Variants in SEMA3E observed in about 807,000 individuals in gnomAD.
SEMA3E encodes semaphorin-3E.
A neutral mutation model predicts 93.6 loss-of-function variants in SEMA3E; 49 were observed. That is an observed-to-expected ratio of 0.52 (90% confidence interval 0.42 to 0.66). The LOEUF (loss-of-function observed/expected upper bound fraction) is 0.66, where lower values mean the gene tolerates loss of function less well. SEMA3E is among the 30% of genes least tolerant of loss of function. SEMA3E has a pLI of 0.00. For missense variants in SEMA3E, 906 were observed against 964.8 expected, an observed-to-expected ratio of 0.94 and a Z score of 0.81; for synonymous variants, 363 against 330.7, an observed-to-expected ratio of 1.10 and a Z score of -1.06.
At chr7:83,373,019 T>C (rs942445205) in intron 16 of SEMA3E, 2 of 152,150 alleles carry the variant, frequency 1.3e-5, no homozygotes, top group African/African-American at 2.4e-5. Flanking sequence ...GTCAAGAAGA[T>C]AGTGCATAAT....
intron 3 of SEMA3E, 28 bp from the exon 4 acceptor site, chr7:83,466,629 C>T (rs776578561): frequency 6.2e-7 from 1 of 1,610,642 alleles, no homozygotes. Context: ...GGGAAGGAAT[C>T]TATCAGTATA....
intron 4 of SEMA3E, among the ~76,000 whole-genome samples, chr7:83,432,169 A>T (rs1225574011): frequency 6.6e-6 from 1 of 152,260 alleles, no homozygotes; most frequent in Non-Finnish European, 1.5e-5. Flanking sequence ...AGCCCTAAAA[A>T]TTGTGGATGA....
chr7:83,584,613 C>T (rs1792583036), intron 1 of SEMA3E, among the ~76,000 whole-genome samples: 1 of 152,112 alleles, frequency 6.6e-6, no homozygotes, highest in Non-Finnish European at 1.5e-5. Context: ...GCATATAACA[C>T]AAAGCAAGCT....
chr7:83,452,336 A>G (rs1789382294), intron 4 of SEMA3E, among the ~76,000 whole-genome samples: 2 of 152,136 alleles, frequency 1.3e-5, no homozygotes, highest in African/African-American at 4.8e-5. Context: ...GGGAAAAAAA[A>G]GCCCTCATAG....
At chr7:83,597,222 C>T (rs1792895113) in intron 1 of SEMA3E, among the ~76,000 whole-genome samples, 1 of 152,096 alleles carries the variant, frequency 6.6e-6, no homozygotes, top group African/African-American at 2.4e-5. Flanking sequence ...CACAGTGTGC[C>T]AGACTAGACA....
At chr7:83,594,078 G>T (rs1792816466) in intron 1 of SEMA3E, among the ~76,000 whole-genome samples, 1 of 152,098 alleles carries the variant, frequency 6.6e-6, no homozygotes, top group African/African-American at 2.4e-5. Flanking sequence ...TAGTATTGAG[G>T]CTGTTCCATA....
At chr7:83,631,148 A>T (rs888491218) in intron 1 of SEMA3E, among the ~76,000 whole-genome samples, 2 of 149,176 alleles carry the variant, frequency 1.3e-5, no homozygotes, top group Non-Finnish European at 2.9e-5. Context: ...TAAGACATTT[A>T]AAAAGCTTCT....
chr7:83,391,445 A>T (rs561086403), intron 14 of SEMA3E, among the ~76,000 whole-genome samples: 2 of 152,270 alleles, frequency 1.3e-5, no homozygotes, highest in African/African-American at 4.8e-5. Context: ...AATATTTTCA[A>T]ATAATTATGT....
intron 1 of SEMA3E, among the ~76,000 whole-genome samples, chr7:83,631,992 C>T (rs891347865): frequency 2.0e-5 from 3 of 151,876 alleles, no homozygotes; most frequent in Non-Finnish European, 4.4e-5. Context: ...CCCATCTCTA[C>T]TAAAAATACA....
rs549762133 is a variant in SEMA3E, at chr7:83,441,590, AG to A, written c.457-23108del. Among the ~76,000 whole-genome samples, 62 of 152,318 alleles carry A rather than the reference AG, an allele frequency of 4.1e-4. No homozygotes were observed. In the South Asian group the frequency reaches 0.013, roughly 32 times the overall value. ...GTCATACAACATTTACTATTTGCCAAGTAGTATTCTAGGTGCTTTATTTACA... is the reference window on the plus strand; with the variant it reads ...GTCATACAACATTTACTATTTGCCAATAGTATTCTAGGTGCTTTATTTACA... On this transcript the variant is annotated intron_variant, in intron 4 of 16. Coordinates refer to ENST00000643230, the MANE Select transcript of SEMA3E (RefSeq NM_012431.3).
At chr7:83,546,085 T>C (rs989541779) in intron 1 of SEMA3E, among the ~76,000 whole-genome samples, 4 of 148,538 alleles carry the variant, frequency 2.7e-5, no homozygotes, top group Non-Finnish European at 4.4e-5. Context: ...ACAAGTATTA[T>C]AATGTATCAG....
At chr7:83,455,578 G>A (rs191016055) in intron 4 of SEMA3E, among the ~76,000 whole-genome samples, 3 of 152,306 alleles carry the variant, frequency 2.0e-5, no homozygotes, top group Non-Finnish European at 2.9e-5. Context: ...TGTACGACAC[G>A]ATCCCCTTCC....
At chr7:83,539,191 AC>A (rs537152399) in intron 1 of SEMA3E, among the ~76,000 whole-genome samples, 64 of 152,274 alleles carry the variant, frequency 4.2e-4, no homozygotes, top group African/African-American at 1.3e-3. Context: ...AAAGCCTAGT[AC>A]CAGGCTCTGG....
intron 1 of SEMA3E, among the ~76,000 whole-genome samples, chr7:83,625,373 A>C (rs1253218945): frequency 6.6e-6 from 1 of 152,036 alleles, no homozygotes; most frequent in Non-Finnish European, 1.5e-5. Context: ...ATGTTTTTCC[A>C]TTTGTTTGTG....
chr7:83,368,199 C>T (rs978344843), intron 16 of SEMA3E, among the ~76,000 whole-genome samples, 161 bp from the exon 17 acceptor site: 17 of 51,068 alleles, frequency 3.3e-4, no homozygotes, highest in South Asian at 3.1e-3. Context: ...TTACATCTCT[C>T]TCTCTCTCTC....
At chr7:83,481,640 G>C (rs1790147622) in intron 2 of SEMA3E, among the ~76,000 whole-genome samples, 1 of 152,152 alleles carries the variant, frequency 6.6e-6, no homozygotes, top group South Asian at 2.1e-4. Context: ...TATAGTGAGG[G>C]TTTAGGGTCT....
chr7:83,413,320 T>G (rs1788481407), intron 5 of SEMA3E, among the ~76,000 whole-genome samples: 1 of 152,176 alleles, frequency 6.6e-6, no homozygotes, highest in South Asian at 2.1e-4. Flanking sequence ...CTTGTTAAGT[T>G]TTACTCAAGC....
At chr7:83,494,795 C>T (rs1790454911) in intron 1 of SEMA3E, among the ~76,000 whole-genome samples, 1 of 151,944 alleles carries the variant, frequency 6.6e-6, no homozygotes, top group Admixed American at 6.6e-5. Context: ...TCCCACATCA[C>T]CACAGTGTGA....
At chr7:83,464,007 T>G (rs565466635) in intron 4 of SEMA3E, among the ~76,000 whole-genome samples, 2 of 152,296 alleles carry the variant, frequency 1.3e-5, no homozygotes, top group Admixed American at 1.3e-4. Context: ...CAGTCATTTC[T>G]TCCATTCTGT....
Sources: gnomAD v4.1 joint callset for allele counts (sites outside exome capture counted in the v4.1 genomes callset) on GRCh38, gnomAD v4.1.1 for gene constraint, MANE v1.5 for transcripts, NCBI Gene and HGNC (gene_info 2026-07-23, HGNC 2026-07-21) for gene names.